ENOX2: variants seen among roughly 807,000 people sequenced by gnomAD.
ENOX2 encodes the protein ecto-NOX disulfide-thiol exchanger 2, also known as APK1 antigen.
In ENOX2, 36 loss-of-function variants were observed where a neutral mutation model predicts 45.0. The ratio of observed to expected loss-of-function variants is 0.80; its 90% CI spans 0.61 to 1.06. ENOX2 has a LOEUF of 1.06. Ranked by LOEUF, ENOX2 falls within the 50% of genes least tolerant of loss-of-function variation. The pLI, the probability that ENOX2 is intolerant of heterozygous loss-of-function variation, is 0.00. For synonymous variants in ENOX2, 174 were observed against 152.3 expected, an observed-to-expected ratio of 1.14 and a Z score of -1.05; for missense variants, 423 against 462.5, an observed-to-expected ratio of 0.91 and a Z score of 0.78.
chrX:130,763,225 G>T (rs771742275), intron 3 of ENOX2, among the ~76,000 whole-genome samples: 43 of 110,491 alleles, frequency 3.9e-4, no homozygotes, highest in Admixed American at 1.6e-3. Flanking sequence ...GGCAGGGGAG[G>T]GGGGTGTTAT....
chrX:130,717,943 T>C lies in ENOX2; in HGVS notation c.-38-14689A>G, dbSNP rs965801898. 3.6e-5 allele frequency among the ~76,000 whole-genome samples: 4 copies of C among 112,092 alleles called. No homozygotes were observed. The Admixed American group carries it at 3.8e-4, about 11-fold the overall frequency. ...TTCTACTACATATGTTGATACCGTCTCTTCAAAAATGTTTTATCTTAATTT... is the reference window on the plus strand; with the variant it reads ...TTCTACTACATATGTTGATACCGTCCCTTCAAAAATGTTTTATCTTAATTT... On this transcript the variant is annotated intron_variant, in intron 3 of 14. Transcript: ENST00000394363.
At chrX:130,759,577 CAAAAAAA>C (rs753411112) in intron 3 of ENOX2, among the ~76,000 whole-genome samples, 6 of 19,940 alleles carry the variant, frequency 3.0e-4, no homozygotes, top group South Asian at 2.9e-3. Flanking sequence ...GACTATGTAC[CAAAAAAA>C]AAAAAAAAAA....
rs938437257 is a variant in ENOX2 at position 130,645,952 on chromosome X, A to C, written c.1130-8542T>G. On this transcript the variant is annotated intron_variant, in intron 10 of 14. Transcript: ENST00000394363. The stretch of plus-strand genomic sequence containing the variant: ...AGTCGTCCCAGCAATCAGTGCCACA[A>C]CTCCATTCAAGGGAAACACCTCATC... 6 of 690,915 alleles carry C rather than the reference A, an allele frequency of 8.7e-6. No homozygotes were observed. In the African/African-American group the frequency reaches 1.3e-4, roughly 15 times the overall value. The allele number at this position is 690,915 out of a possible 1,213,427, so 56.9% of individuals were successfully genotyped here. A position where few individuals can be genotyped will look rare whatever the true frequency, so the allele number is the denominator to read the frequency against.
At chrX:130,665,470 C>T (rs752520075) in intron 9 of ENOX2, among the ~76,000 whole-genome samples, 173 bp downstream of exon 9, 1 of 112,230 alleles carries the variant, frequency 8.9e-6, no homozygotes, top group East Asian at 2.8e-4. Flanking sequence ...CTTTTGACAG[C>T]AGGTGGTCTG....
At chrX:130,714,125 C>A (rs889339005) in intron 3 of ENOX2, among the ~76,000 whole-genome samples, 25 of 111,808 alleles carry the variant, frequency 2.2e-4, no homozygotes, top group African/African-American at 4.9e-4. Flanking sequence ...GGAAAAAAAA[C>A]CCCACATCAG....
In ENOX2 at chrX:130,810,169, A is replaced by G. The variant is rs758433104; in HGVS notation, c.-182-26479T>C. ...AAGTGAGCACCAGACGTTACCTTGG[A>G]CCCCAACACCAGGCTGCCTCAGTAA... On this transcript the variant is annotated intron_variant, in intron 2 of 14. Coordinates refer to ENST00000394363, the MANE Select transcript of ENOX2 (RefSeq NM_006375.4). 2.1e-4 allele frequency among the ~76,000 whole-genome samples: 23 copies of G among 110,485 alleles called. 1 individual carries two copies. Among genetic ancestry groups the G allele is most frequent in the Non-Finnish European group, 4.4e-4 (23 of 52,783 alleles).
At chrX:130,783,830 T>C (rs1400142796) in intron 2 of ENOX2, 140 bp from the exon 3 acceptor site, 1 of 178,510 alleles carries the variant, frequency 5.6e-6, no homozygotes, top group Non-Finnish European at 1.0e-5. Context: ...TTAAAGACAG[T>C]TGCCTTCTGT....
At chrX:130,898,986 T>G (rs768128448) in intron 2 of ENOX2, among the ~76,000 whole-genome samples, 5 of 110,879 alleles carry the variant, frequency 4.5e-5, no homozygotes, top group African/African-American at 6.6e-5. Context: ...GAGAGTGATG[T>G]CAAGGACGGA....
intron 13 of ENOX2, among the ~76,000 whole-genome samples, chrX:130,631,246 C>G (rs1280540578): frequency 3.6e-5 from 4 of 111,745 alleles, no homozygotes; most frequent in Non-Finnish European, 7.5e-5. Flanking sequence ...TGCTTGACTG[C>G]TTGACATGGC....
chrX:130,679,673 C>A lies in ENOX2; in HGVS notation c.329G>T (p.Gly110Val). 1 of 1,210,814 alleles carries A rather than the reference C, an allele frequency of 8.3e-7. No individual in the cohort carries two copies. Among genetic ancestry groups the A allele is most frequent in the Non-Finnish European group, 1.1e-6 (1 of 894,600 alleles). The change falls in exon 6 of 15, where the codon GGG becomes GTG. Residue 110 changes from glycine to valine, a missense_variant. Around this residue, in one of 5 missense-constraint regions of ENOX2, gnomAD observed 261 missense variants for 306.8 expected, o/e 0.85. Coordinates refer to ENST00000394363, the MANE Select transcript of ENOX2 (RefSeq NM_006375.4). ...AACTTCCACAATGATTTGCTCTGTC[C>A]CATTTTCAGGCAGACCACCCACAAA... ...TVFVGGLPENGTEQIIVEVFE... is the reference protein window; with the variant it reads ...TVFVGGLPENVTEQIIVEVFE...
At chrX:130,759,758 T>C (rs2039438747) in intron 3 of ENOX2, among the ~76,000 whole-genome samples, 2 of 105,614 alleles carry the variant, frequency 1.9e-5, no homozygotes, top group African/African-American at 6.8e-5. Context: ...TTTATTTTTA[T>C]TTTTTTTTTG....
At chrX:130,658,172 G>A (rs1015020181) in intron 9 of ENOX2, among the ~76,000 whole-genome samples, 5 of 111,625 alleles carry the variant, frequency 4.5e-5, no homozygotes, top group Non-Finnish European at 7.5e-5. Flanking sequence ...ACTGAGAATC[G>A]TTATAATAGC....
intron 10 of ENOX2, among the ~76,000 whole-genome samples, chrX:130,638,715 A>G (rs1188810043): frequency 8.9e-6 from 1 of 111,970 alleles, no homozygotes; most frequent in Non-Finnish European, 1.9e-5. Flanking sequence ...AATACAGAGA[A>G]TCACAATTTA....
intron 2 of ENOX2, among the ~76,000 whole-genome samples, chrX:130,790,023 T>C (rs779311057): frequency 1.6e-4 from 18 of 113,110 alleles, no homozygotes; most frequent in East Asian, 1.1e-3. Context: ...GCCAAGACAA[T>C]TGAACATTTC....
intron 2 of ENOX2, among the ~76,000 whole-genome samples, chrX:130,841,060 G>A (rs1484062610): frequency 2.7e-5 from 3 of 111,911 alleles, no homozygotes; most frequent in Non-Finnish European, 5.6e-5. Flanking sequence ...TCTGGATTCT[G>A]ACAGTGGCAT....
At chrX:130,640,277 C>G (rs2036044157) in intron 10 of ENOX2, among the ~76,000 whole-genome samples, 1 of 112,329 alleles carries the variant, frequency 8.9e-6, no homozygotes, top group Non-Finnish European at 1.9e-5. Flanking sequence ...ACAACAGATG[C>G]TGGCGAGGTT....
At chrX:130,685,580 C>T (rs1166187342) in intron 5 of ENOX2, among the ~76,000 whole-genome samples, 1 of 112,175 alleles carries the variant, frequency 8.9e-6, no homozygotes, top group Non-Finnish European at 1.9e-5. Flanking sequence ...GTTAGGTAGA[C>T]TGACATAATT....
At chrX:130,649,077 A>AG (rs2036328964) in intron 10 of ENOX2, among the ~76,000 whole-genome samples, 2 of 97,280 alleles carry the variant, frequency 2.1e-5, no homozygotes, top group African/African-American at 8.0e-5. Flanking sequence ...AAAAAAAAAA[A>AG]GCCTGACACC....
At chrX:130,665,095 T>C (rs995314970) in intron 9 of ENOX2, among the ~76,000 whole-genome samples, 3 of 112,252 alleles carry the variant, frequency 2.7e-5, no homozygotes, top group Non-Finnish European at 5.6e-5. Flanking sequence ...TCTAGTGTTA[T>C]GCTAAAAATG....
Sources: allele counts gnomAD v4.1 joint callset (sites outside exome capture counted in the v4.1 genomes callset), GRCh38; gene constraint gnomAD v4.1.1; regional missense constraint gnomAD v4.1.1; transcripts MANE v1.5; gene names NCBI Gene and HGNC (gene_info 2026-07-23, HGNC 2026-07-21).